The following YBX3 variants were observed in gnomAD, a reference collection of about 807,000 sequenced individuals.
YBX3 encodes Y-box-binding protein 3.
In YBX3, 29 loss-of-function variants were observed where a neutral mutation model predicts 42.4. That is an observed-to-expected ratio of 0.68 (90% CI 0.51 to 0.93). The LOEUF is 0.93. Ranked by LOEUF, YBX3 falls within the 40% of genes least tolerant of loss-of-function variation. The pLI is 0.00. For synonymous variants in YBX3, 195 were observed against 189.8 expected, an observed-to-expected ratio of 1.03 and a Z score of -0.22; for missense variants, 517 against 527.5, an observed-to-expected ratio of 0.98 and a Z score of 0.19.
chr12:10,710,060 G>A lies in YBX3; in HGVS notation c.628C>T (p.Pro210Ser). The stretch of plus-strand genomic sequence containing the variant: ...CCAGAGAACTGCCTATCAGTGGCAG[G>A]GGGGTCAAATCCTTCACTGCTGCCG... The part of the protein sequence containing the change: ...GSGSSEGFDP[P>S]ATDRQFSGAR... The change falls in exon 6 of 10, where the codon CCT (proline) becomes TCT (serine). Residue 210 changes from proline (P) to serine (S), a missense_variant. This residue lies in a region of YBX3 where 420 missense variants were observed against 408.5 expected (regional missense o/e 1.03). Transcript: ENST00000228251. 3 of 1,614,094 alleles carry A rather than the reference G, an allele frequency of 1.9e-6. No individual in the cohort carries two copies. Among genetic ancestry groups the A allele is most frequent in the South Asian group, 2.2e-5 (2 of 91,062 alleles).
chr12:10,709,589 C>A (rs576822744), intron 6 of YBX3, among the ~76,000 whole-genome samples: 2 of 152,310 alleles, frequency 1.3e-5, no homozygotes, highest in Admixed American at 1.3e-4. Flanking sequence ...GGATTCAAAT[C>A]CAGCCTGACT....
intron 6 of YBX3, among the ~76,000 whole-genome samples, chr12:10,705,299 T>C (rs936991228): frequency 4.6e-5 from 7 of 152,214 alleles, no homozygotes; most frequent in African/African-American, 1.7e-4. Context: ...TTCATCATGT[T>C]GGCCAGGATG....
chr12:10,720,524 C>T (rs1948313013), intron 1 of YBX3, among the ~76,000 whole-genome samples: 2 of 151,918 alleles, frequency 1.3e-5, no homozygotes, highest in Non-Finnish European at 2.9e-5. Context: ...AGCAGCAAGG[C>T]AAAGGAGAAA....
chr12:10,700,327 T>C (rs571999623), intron 9 of YBX3, among the ~76,000 whole-genome samples: 12 of 152,286 alleles, frequency 7.9e-5, no homozygotes, highest in East Asian at 1.9e-4. Flanking sequence ...CAAAACTTCA[T>C]TGATGAAATT....
At chr12:10,699,951 G>C (rs183125102) in intron 9 of YBX3, among the ~76,000 whole-genome samples, 14 of 152,130 alleles carry the variant, frequency 9.2e-5, no homozygotes, top group African/African-American at 3.1e-4. Flanking sequence ...TCATTTTAGT[G>C]GCTGCACCCT....
At chr12:10,722,658 G>C (rs1163856421) in intron 1 of YBX3, among the ~76,000 whole-genome samples, 192 bp downstream of exon 1, 4 of 152,230 alleles carry the variant, frequency 2.6e-5, no homozygotes, top group Admixed American at 6.5e-5. Context: ...CGCTCACCTG[G>C]GAGCGCCGGC....
intron 5 of YBX3, chr12:10,710,578 G>T: frequency 8.0e-7 from 1 of 1,248,786 alleles, no homozygotes; most frequent in South Asian, 1.4e-5. Context: ...TGTAAAGTGT[G>T]GATGGGATTT....
At chr12:10,703,830 T>G (rs1168073163) in intron 7 of YBX3, 1 of 500,744 alleles carries the variant, frequency 2.0e-6, no homozygotes, top group Non-Finnish European at 3.6e-6. Flanking sequence ...CTTATTATAA[T>G]TCCAGAATAC....
intron 1 of YBX3, chr12:10,722,226 G>C (rs1948335015): frequency 6.6e-6 from 1 of 152,296 alleles, no homozygotes; most frequent in Non-Finnish European, 1.5e-5. Flanking sequence ...AAGTTTCCCG[G>C]AGACGATTGC....
intron 3 of YBX3, chr12:10,716,087 T>C (rs1181814543): frequency 7.0e-6 from 2 of 284,634 alleles, no homozygotes; most frequent in African/African-American, 4.5e-5. Context: ...CACCTGATCA[T>C]ATCAGATGTA....
At chr12:10,718,194 T>C in intron 2 of YBX3, 73 bp from the exon 3 acceptor site, 1 of 1,365,744 alleles carries the variant, frequency 7.3e-7, no homozygotes, top group Non-Finnish European at 1.0e-6. Flanking sequence ...CTATGTGTTA[T>C]GAATTTAACT....
At chr12:10,705,729 T>C (rs1347952331) in intron 6 of YBX3, among the ~76,000 whole-genome samples, 1 of 152,228 alleles carries the variant, frequency 6.6e-6, no homozygotes, top group Non-Finnish European at 1.5e-5. Context: ...CGTTATCAAA[T>C]TTTTCAATAT....
intron 1 of YBX3, among the ~76,000 whole-genome samples, chr12:10,721,228 G>GT (rs1478510707): frequency 6.6e-6 from 1 of 152,196 alleles, no homozygotes; most frequent in Non-Finnish European, 1.5e-5. Context: ...GAGAGACGCA[G>GT]TAAGAGTGGA....
Position 10,702,087 on chromosome 12 carries a change from T to G in YBX3, c.926A>C (p.Glu309Ala). ...GGTGGCTTGCTGATTTTCTTTATCT[T>G]CAGCCTCTCCAACTGCTGGGGCAGG... ...PRPAPAVGEAEDKENQQATSG... is the reference protein window; with the variant it reads ...PRPAPAVGEAADKENQQATSG... Residue 309 changes from glutamate (E) to alanine (A), a missense_variant, in exon 8 of 10, where the codon GAA (glutamate) becomes GCA (alanine). This residue lies in a region of YBX3 where 420 missense variants were observed against 408.5 expected (regional missense o/e 1.03). Coordinates refer to ENST00000228251, the MANE Select transcript of YBX3 (RefSeq NM_003651.5). 6.2e-7 allele frequency: 1 copy of G among 1,614,176 alleles called. No individual in the cohort carries two copies. Among genetic ancestry groups the G allele is most frequent in the Non-Finnish European group, 8.5e-7 (1 of 1,180,010 alleles).
intron 1 of YBX3, among the ~76,000 whole-genome samples, chr12:10,721,101 T>C (rs1015291271): frequency 1.3e-5 from 2 of 152,194 alleles, no homozygotes; most frequent in Non-Finnish European, 2.9e-5. Flanking sequence ...GCATTGTGCC[T>C]AGTACATCTT....
rs879241862 is a variant in YBX3 at position 10,710,132 on chromosome 12, CAG to C, written c.574-20_574-19del. The C allele has an allele frequency of 2.5e-6, 4 of 1,609,012 alleles. No individual in the cohort carries two copies. Among genetic ancestry groups the C allele is most frequent in the Non-Finnish European group, 2.5e-6 (3 of 1,178,772 alleles). The stretch of plus-strand genomic sequence containing the variant: ...CCAGCGTACTAGCGAAGCAAAGAAA[CAG>C]AGATTCAGAAGAAGTTTTAGCAAGG... On this transcript the variant is annotated intron_variant, in intron 5 of 9. Transcript: ENST00000228251.
intron 1 of YBX3, among the ~76,000 whole-genome samples, chr12:10,720,186 C>T (rs1948309304): frequency 6.6e-6 from 1 of 152,172 alleles, no homozygotes; most frequent in African/African-American, 2.4e-5. Flanking sequence ...TCCATACTGT[C>T]TTTTCATAAG....
chr12:10,709,196 G>A (rs1397563856), intron 6 of YBX3, among the ~76,000 whole-genome samples: 1 of 152,162 alleles, frequency 6.6e-6, no homozygotes, highest in Non-Finnish European at 1.5e-5. Flanking sequence ...CAACGACACT[G>A]AGGAGAAAAA....
intron 9 of YBX3, among the ~76,000 whole-genome samples, chr12:10,700,021 T>C (rs551989944): frequency 6.6e-6 from 1 of 152,294 alleles, no homozygotes; most frequent in East Asian, 1.9e-4. Context: ...AGACTGTAAA[T>C]TGTAAAAATA....
Sources: allele counts gnomAD v4.1 joint callset (sites outside exome capture counted in the v4.1 genomes callset), GRCh38; gene constraint gnomAD v4.1.1; regional missense constraint gnomAD v4.1.1; transcripts MANE v1.5; gene names NCBI Gene and HGNC (gene_info 2026-07-23, HGNC 2026-07-21).